Variants in NOL4 observed in about 807,000 individuals in gnomAD.
NOL4 encodes cancer/testis antigen 125.
A neutral mutation model predicts 75.9 loss-of-function variants in NOL4; 17 were observed. The ratio of observed to expected loss-of-function variants is 0.22; its 90% CI spans 0.15 to 0.34. NOL4 has a LOEUF of 0.34. Ranked by LOEUF, NOL4 falls within the 10% of genes least tolerant of loss-of-function variation. The pLI is 1.00. For synonymous variants in NOL4, 292 were observed against 289.9 expected (o/e 1.01, Z -0.07); for missense variants, 614 against 793.5 (o/e 0.77, Z 2.72).
intron 6 of NOL4, among the ~76,000 whole-genome samples, chr18:34,017,005 C>G (rs1384498192): frequency 6.6e-6 from 1 of 151,996 alleles, no homozygotes; most frequent in Non-Finnish European, 1.5e-5. Context: ...ACAATGATTC[C>G]CTAGCCTGAG....
chr18:33,997,974 C>A (rs1186466818), intron 6 of NOL4, among the ~76,000 whole-genome samples: 3 of 151,676 alleles, frequency 2.0e-5, no homozygotes, highest in Non-Finnish European at 4.4e-5. Flanking sequence ...ACCCATACTA[C>A]AAAATGGACA....
At chr18:34,066,889 G>C (rs2077301507) in intron 5 of NOL4, among the ~76,000 whole-genome samples, 1 of 152,018 alleles carries the variant, frequency 6.6e-6, no homozygotes, top group African/African-American at 2.4e-5. Context: ...TTCATCTTTA[G>C]ACTCGTTGGT....
intron 1 of NOL4, among the ~76,000 whole-genome samples, chr18:34,143,882 A>C (rs957151442): frequency 4.6e-5 from 7 of 151,908 alleles, no homozygotes; most frequent in African/African-American, 1.7e-4. Context: ...AAAAAAAAAA[A>C]AAAACCTGAA....
chr18:34,208,126 A>T (rs757305244), intron 1 of NOL4, among the ~76,000 whole-genome samples: 5 of 152,170 alleles, frequency 3.3e-5, no homozygotes, highest in Non-Finnish European at 5.9e-5. Flanking sequence ...CAGTAGATGA[A>T]GGGGGCAGGG....
chr18:34,027,886 C>G (rs1341070431), intron 5 of NOL4, among the ~76,000 whole-genome samples: 2 of 152,102 alleles, frequency 1.3e-5, no homozygotes, highest in African/African-American at 4.8e-5. Flanking sequence ...AAAAACACAA[C>G]TAAGAATAGA....
chr18:34,194,312 T>G (rs1414264696), intron 1 of NOL4, among the ~76,000 whole-genome samples: 1 of 152,040 alleles, frequency 6.6e-6, no homozygotes, highest in Non-Finnish European at 1.5e-5. Context: ...AAAACATGTT[T>G]TACAAGATAA....
chr18:34,026,985 G>A (rs910262726), intron 5 of NOL4, among the ~76,000 whole-genome samples: 1 of 152,158 alleles, frequency 6.6e-6, no homozygotes, highest in African/African-American at 2.4e-5. Context: ...AAAGACAGAT[G>A]CTATGTTATG....
chr18:34,040,588 T>G (rs140200105), intron 5 of NOL4, among the ~76,000 whole-genome samples: 8 of 152,086 alleles, frequency 5.3e-5, no homozygotes, highest in Middle Eastern at 3.4e-3. Context: ...AGTACATGGG[T>G]GCACAAACCA....
chr18:33,923,180 C>A (rs893323859), intron 9 of NOL4, among the ~76,000 whole-genome samples: 1 of 151,984 alleles, frequency 6.6e-6, no homozygotes, highest in Non-Finnish European at 1.5e-5. Context: ...TTTGGATATA[C>A]CAATTTTTTG....
At chr18:34,115,484 C>T (rs1181786348) in intron 2 of NOL4, among the ~76,000 whole-genome samples, 1 of 128,054 alleles carries the variant, frequency 7.8e-6, no homozygotes, top group Non-Finnish European at 1.6e-5. Flanking sequence ...TTTTTGCCCA[C>T]CCCCCTCCCC....
intron 1 of NOL4, among the ~76,000 whole-genome samples, chr18:34,187,190 C>T (rs542503236): frequency 5.8e-4 from 88 of 152,200 alleles, no homozygotes; most frequent in African/African-American, 1.8e-3. Context: ...CTATTCATCC[C>T]TCCCTCCTCC....
intron 1 of NOL4, among the ~76,000 whole-genome samples, chr18:34,170,033 T>C (rs7226787): frequency 0.23 from 35,340 of 152,100 alleles, 4,511 homozygotes; most frequent in African/African-American, 0.3. Flanking sequence ...GAAACTCTAC[T>C]GGCAATCATA....
intron 8 of NOL4, among the ~76,000 whole-genome samples, chr18:33,953,278 A>G (rs1290542904): frequency 7.7e-6 from 1 of 129,254 alleles, no homozygotes; most frequent in African/African-American, 2.8e-5. Context: ...TTTCTACCTA[A>G]TTTTTTGCTC....
At chr18:34,182,033 T>C (rs868744038) in intron 1 of NOL4, among the ~76,000 whole-genome samples, 82 of 151,618 alleles carry the variant, frequency 5.4e-4, no homozygotes, top group African/African-American at 1.9e-3. Context: ...ACTGACCATA[T>C]GACCCAACAA....
At chr18:34,015,800 T>G (rs1459353749) in intron 6 of NOL4, among the ~76,000 whole-genome samples, 1 of 152,128 alleles carries the variant, frequency 6.6e-6, no homozygotes, top group Admixed American at 6.6e-5. Context: ...AACCTGCTTC[T>G]TCAAATGTTT....
intron 1 of NOL4, among the ~76,000 whole-genome samples, chr18:34,164,310 T>C (rs76991622): frequency 0.5 from 75,548 of 151,158 alleles, 18,969 homozygotes; most frequent in Admixed American, 0.57. Flanking sequence ...AGGCAACCTA[T>C]AAAATGGGAG....
At chr18:34,147,800 C>G (rs2081469343) in intron 1 of NOL4, among the ~76,000 whole-genome samples, 1 of 152,092 alleles carries the variant, frequency 6.6e-6, no homozygotes, top group African/African-American at 2.4e-5. Context: ...GGTACCAGCT[C>G]CTCTTTGTAC....
At chr18:33,984,675 G>A (rs1193915156) in intron 6 of NOL4, among the ~76,000 whole-genome samples, 1 of 152,060 alleles carries the variant, frequency 6.6e-6, no homozygotes, top group East Asian at 1.9e-4. Context: ...AGCTCCCTAA[G>A]GCTCTCCAGA....
At chr18:34,147,485 T>C (rs1345879541) in intron 1 of NOL4, among the ~76,000 whole-genome samples, 1 of 152,194 alleles carries the variant, frequency 6.6e-6, no homozygotes, top group African/African-American at 2.4e-5. Flanking sequence ...ATGTGGTTTT[T>C]GTCATTGGTT....
Sources: allele counts gnomAD v4.1 joint callset (sites outside exome capture counted in the v4.1 genomes callset), GRCh38; gene constraint gnomAD v4.1.1; transcripts MANE v1.5; gene names NCBI Gene and HGNC (gene_info 2026-07-23, HGNC 2026-07-21).